The following NRG3 variants were observed in gnomAD, a reference collection of about 807,000 sequenced individuals.
NRG3 encodes neuregulin 3, also known as pro-neuregulin-3, membrane-bound isoform.
NRG3 carries 31 observed loss-of-function variants against 66.9 expected under a neutral mutation model. The observed-to-expected ratio is 0.46, with a 90% CI of 0.35 to 0.63. The LOEUF is 0.63. Among genes scored for constraint, NRG3 ranks in the 20% least tolerant of loss-of-function variants. The pLI, the probability that NRG3 is intolerant of heterozygous loss-of-function variation, is 0.00. For synonymous variants in NRG3, 393 were observed against 359.4 expected, an observed-to-expected ratio of 1.09 and a Z score of -1.06; for missense variants, 910 against 878.9, an observed-to-expected ratio of 1.04 and a Z score of -0.45.
At chr10:82,816,009 A>G (rs2061689699) in intron 3 of NRG3, among the ~76,000 whole-genome samples, 2 of 152,208 alleles carry the variant, frequency 1.3e-5, no homozygotes, top group African/African-American at 4.8e-5. Flanking sequence ...ATAATTGGGC[A>G]TCTGCATCTG....
chr10:82,980,741 G>A (rs1300368042), intron 8 of NRG3, among the ~76,000 whole-genome samples: 1 of 152,140 alleles, frequency 6.6e-6, no homozygotes. Flanking sequence ...AAGGCATTTG[G>A]TACAGATTTA....
At chr10:82,131,224 G>A (rs892322148) in intron 1 of NRG3, among the ~76,000 whole-genome samples, 3 of 152,056 alleles carry the variant, frequency 2.0e-5, no homozygotes, top group Admixed American at 2.0e-4. Context: ...TCTGTATATG[G>A]CAAGAGATAG....
chr10:82,053,040 CATTT>C (rs2063672913), intron 1 of NRG3, among the ~76,000 whole-genome samples: 2 of 142,384 alleles, frequency 1.4e-5, no homozygotes, highest in Non-Finnish European at 3.1e-5. Flanking sequence ...TTTATTCATT[CATTT>C]ATCAAATTAA....
At chr10:82,500,134 AG>A (rs1452793628) in intron 2 of NRG3, among the ~76,000 whole-genome samples, 1 of 152,174 alleles carries the variant, frequency 6.6e-6, no homozygotes, top group Non-Finnish European at 1.5e-5. Context: ...AACTTGGAGG[AG>A]GATAGGGATG....
chr10:82,978,847 G>C, intron 7 of NRG3, 103 bp from the exon 8 acceptor site: 1 of 1,185,104 alleles, frequency 8.4e-7, no homozygotes, highest in Non-Finnish European at 1.2e-6. Context: ...TGAGAATTTG[G>C]GGTGCAGATT....
chr10:82,385,408 C>A (rs1447142275), intron 2 of NRG3, among the ~76,000 whole-genome samples: 1 of 152,084 alleles, frequency 6.6e-6, no homozygotes, highest in Non-Finnish European at 1.5e-5. Flanking sequence ...CTACAAAGTT[C>A]TCTTGGAGGA....
intron 2 of NRG3, among the ~76,000 whole-genome samples, chr10:82,582,274 G>C (rs1327526903): frequency 6.6e-6 from 1 of 152,056 alleles, no homozygotes; most frequent in Non-Finnish European, 1.5e-5. Context: ...TCAGAAAAAT[G>C]GGGAAATAAA....
intron 1 of NRG3, among the ~76,000 whole-genome samples, chr10:81,932,636 G>A (rs534795500): frequency 1.1e-4 from 16 of 152,078 alleles, no homozygotes; most frequent in Non-Finnish European, 2.1e-4. Context: ...ACAATCTTAA[G>A]TATTTCAATT....
At position 82,303,722 on chromosome 10, in the gene NRG3, G is replaced by A. The variant is rs186694853; in HGVS notation, c.824-55017G>A. ...GTCTGTACTAAAAATACAAAAATTA[G>A]CCGGGCGTGGTGGCGAGGGCCTGTA... On this transcript the variant is annotated intron_variant, in intron 1 of 8. Coordinates refer to ENST00000372141, the MANE Select transcript of NRG3 (RefSeq NM_001010848.4). Among the ~76,000 whole-genome samples, 16 of 152,072 alleles carry A rather than the reference G, an allele frequency of 1.1e-4. No homozygotes were observed. The East Asian group carries it at 2.9e-3, about 28-fold the overall frequency.
chr10:82,651,105 A>G (rs1052223852), intron 2 of NRG3, among the ~76,000 whole-genome samples: 11 of 152,362 alleles, frequency 7.2e-5, no homozygotes, highest in Admixed American at 7.2e-4. Flanking sequence ...GAAAAATGGT[A>G]AGAAAATTAG....
At chr10:82,325,346 T>C (rs965628020) in intron 1 of NRG3, among the ~76,000 whole-genome samples, 1 of 152,102 alleles carries the variant, frequency 6.6e-6, no homozygotes, top group African/African-American at 2.4e-5. Context: ...TGTGCCTGGC[T>C]AATTTTTTTG....
Position 82,985,431 on chromosome 10 carries a change from A to C in NRG3, c.1917A>C (p.Arg639=). 1 of 1,614,166 alleles carries C rather than the reference A, an allele frequency of 6.2e-7. No homozygotes were observed. Among genetic ancestry groups the C allele is most frequent in the South Asian group, 1.1e-5 (1 of 91,088 alleles). Residue 639 remains arginine (R), a synonymous_variant, in exon 9 of 9, where the codon CGA becomes CGC. Coordinates refer to ENST00000372141, the MANE Select transcript of NRG3 (RefSeq NM_001010848.4). ...TAGAAACTGTCCAGGAGCAGATCCG[A>C]ATTCTGACTGATGCCAGACGGTCAG... The part of the protein sequence containing the change: ...ILLETVQEQI[R]ILTDARRSED...
intron 1 of NRG3, among the ~76,000 whole-genome samples, chr10:82,316,314 A>G (rs1270741402): frequency 6.6e-6 from 1 of 152,212 alleles, no homozygotes; most frequent in Non-Finnish European, 1.5e-5. Context: ...GGTGTTGGGA[A>G]CGACTGCATT....
At chr10:82,057,973 CTT>C (rs11323372) in intron 1 of NRG3, among the ~76,000 whole-genome samples, 6,184 of 140,610 alleles carry the variant, frequency 0.044, 402 homozygotes, top group African/African-American at 0.15. Flanking sequence ...TCTTTCCTTT[CTT>C]TTTTTTTTTT....
intron 1 of NRG3, among the ~76,000 whole-genome samples, chr10:82,266,892 G>T (rs751476866): frequency 5.3e-5 from 8 of 152,174 alleles, no homozygotes; most frequent in Non-Finnish European, 1.0e-4. Context: ...CCAGAATCCT[G>T]CTTTGCTTTT....
At chr10:82,968,721 T>A (rs1053149993) in intron 6 of NRG3, among the ~76,000 whole-genome samples, 1 of 152,050 alleles carries the variant, frequency 6.6e-6, no homozygotes, top group Non-Finnish European at 1.5e-5. Context: ...GATTTGGCAG[T>A]TTCTCTAAAA....
intron 3 of NRG3, among the ~76,000 whole-genome samples, chr10:82,782,611 G>A (rs183151161): frequency 5.3e-5 from 8 of 152,114 alleles, no homozygotes; most frequent in Middle Eastern, 3.4e-3. Context: ...TAATGGCTAC[G>A]GGCTAGAAGA....
chr10:82,827,459 C>G lies in NRG3; in HGVS notation c.1028-37952C>G, dbSNP rs1277659498. Reference sequence around the variant, plus strand: ...ACTTCCTGGAGCAGAATGGGCCACCCTTCTCCTTTGGCTCCATTCAGAGGA... The same window carrying G: ...ACTTCCTGGAGCAGAATGGGCCACCGTTCTCCTTTGGCTCCATTCAGAGGA... On this transcript the variant is annotated intron_variant, in intron 3 of 8. Coordinates refer to ENST00000372141, the MANE Select transcript of NRG3 (RefSeq NM_001010848.4). 2.6e-5 allele frequency among the ~76,000 whole-genome samples: 4 copies of G among 152,120 alleles called. No homozygotes were observed. In the South Asian group the frequency reaches 8.3e-4, roughly 32 times the overall value.
At chr10:82,560,849 G>A (rs1370773531) in intron 2 of NRG3, among the ~76,000 whole-genome samples, 1 of 151,612 alleles carries the variant, frequency 6.6e-6, no homozygotes, top group Non-Finnish European at 1.5e-5. Flanking sequence ...TTTATGTATT[G>A]AAATAATTAT....
Sources: gnomAD v4.1 joint callset for allele counts (sites outside exome capture counted in the v4.1 genomes callset) on GRCh38, gnomAD v4.1.1 for gene constraint, MANE v1.5 for transcripts, NCBI Gene and HGNC (gene_info 2026-07-23, HGNC 2026-07-21) for gene names.